WNT4: variants seen among roughly 807,000 people sequenced by gnomAD.
The protein encoded by WNT4 is protein Wnt-4.
In WNT4, 16 loss-of-function variants were observed where a neutral mutation model predicts 34.5. The ratio of observed to expected loss-of-function variants is 0.46; its 90% CI spans 0.31 to 0.70. WNT4 has a LOEUF of 0.70. WNT4 is among the 30% of genes least tolerant of loss of function. The pLI is 0.04. For synonymous variants in WNT4, 200 were observed against 211.9 expected, an observed-to-expected ratio of 0.94 and a Z score of 0.49; for missense variants, 379 against 495.9, an observed-to-expected ratio of 0.76 and a Z score of 2.24.
Position 22,118,482 on chromosome 1 carries a change from C to T in WNT4, c.*1568G>A, listed in dbSNP as rs10737462. On this transcript the variant is annotated 3_prime_UTR_variant, in exon 5 of 5. Coordinates refer to ENST00000290167, the MANE Select transcript of WNT4 (RefSeq NM_030761.5). ...CTGGGCGGGGCTCGTGATGGTTTGG[C>T]GGTTGTACAGGGTCAGGCCCAGGTT... 34,960 of 152,174 alleles carry T rather than the reference C, an allele frequency of 0.23. 4,859 individuals are homozygous for T. Among genetic ancestry groups the T allele is most frequent in the East Asian group, 0.69 (3,552 of 5,162 alleles). 9.4% of individuals were successfully genotyped at this position (152,174 alleles called of 1,614,324 possible).
At chr1:22,136,481 C>T (rs529161424) in intron 1 of WNT4, among the ~76,000 whole-genome samples, 6 of 152,294 alleles carry the variant, frequency 3.9e-5, no homozygotes, top group Admixed American at 1.3e-4. Context: ...GTGAGGCTCC[C>T]GGTTTCTAGT....
Position 22,140,751 on chromosome 1 carries a change from A to G in WNT4, c.77+2095T>C, listed in dbSNP as rs941109590. Among the ~76,000 whole-genome samples, 2 of 152,214 alleles carry G rather than the reference A, an allele frequency of 1.3e-5. No homozygotes were observed. Among genetic ancestry groups the G allele is most frequent in the Non-Finnish European group, 2.9e-5 (2 of 68,038 alleles). Reference sequence around the variant, plus strand: ...GTTCCTCTTGCCTTGGGTGGAGCAGAGAGACCCTTGGCTTGAAGCCGGGGG... The same window carrying G: ...GTTCCTCTTGCCTTGGGTGGAGCAGGGAGACCCTTGGCTTGAAGCCGGGGG... On this transcript the variant is annotated intron_variant, in intron 1 of 4. Coordinates refer to ENST00000290167, the MANE Select transcript of WNT4 (RefSeq NM_030761.5). This position sits in a 1 kb window ranked among gnomAD's most constrained non-coding sequence, Gnocchi z 5.9.
chr1:22,141,505 T>C (rs1646067016), intron 1 of WNT4, among the ~76,000 whole-genome samples: 2 of 152,198 alleles, frequency 1.3e-5, no homozygotes. Flanking sequence ...GAGAAGGTGG[T>C]GGTGCCTTGC....
chr1:22,136,047 C>T (rs997044780), intron 1 of WNT4, among the ~76,000 whole-genome samples: 4 of 152,186 alleles, frequency 2.6e-5, no homozygotes, highest in Admixed American at 1.3e-4. Context: ...CTCCTGAGGG[C>T]TCTGTGTCCC....
In WNT4 at chr1:22,142,194, T is replaced by G. The variant is rs1646073774; in HGVS notation, c.77+652A>C. On this transcript the variant is annotated intron_variant, in intron 1 of 4. Transcript: ENST00000290167. This position sits in a 1 kb window ranked among gnomAD's most constrained non-coding sequence, Gnocchi z 6.0. ...CCTCCTTAGGCTAGACACGGGGAGCTGGGGGGCCGTTGTCTTCTTTAAGGT... is the reference window on the plus strand; with the variant it reads ...CCTCCTTAGGCTAGACACGGGGAGCGGGGGGGCCGTTGTCTTCTTTAAGGT... 6.6e-6 allele frequency among the ~76,000 whole-genome samples: 1 copy of G among 152,092 alleles called. No individual in the cohort carries two copies. The highest frequency in any genetic ancestry group is 1.5e-5 in the Non-Finnish European group (1 of 68,006).
chr1:22,135,420 A>G (rs1301514935), intron 1 of WNT4, among the ~76,000 whole-genome samples: 1 of 152,226 alleles, frequency 6.6e-6, no homozygotes, highest in African/African-American at 2.4e-5. Context: ...CTCCTAAGCC[A>G]AAGATGACCC....
intron 1 of WNT4, among the ~76,000 whole-genome samples, chr1:22,138,378 A>G (rs776258347): frequency 4.6e-5 from 7 of 151,264 alleles, no homozygotes; most frequent in African/African-American, 1.2e-4. Context: ...TTTGCCAACC[A>G]TTGATTCCTG....
chr1:22,140,282 G>T lies in WNT4; in HGVS notation c.77+2564C>A, dbSNP rs1228512273. On this transcript the variant is annotated intron_variant, in intron 1 of 4. Transcript: ENST00000290167. This position sits in a 1 kb window ranked among gnomAD's most constrained non-coding sequence, Gnocchi z 5.9. Reference sequence around the variant, plus strand: ...TTTTCCTTCTAGAGGCAGCTTTTCAGTCGGACACCTCTGGCATTTACCAGC... The same window carrying T: ...TTTTCCTTCTAGAGGCAGCTTTTCATTCGGACACCTCTGGCATTTACCAGC... 3 of 985,330 alleles carry T rather than the reference G, an allele frequency of 3.0e-6. No individual in the cohort carries two copies. The highest frequency in any genetic ancestry group is 2.3e-4 in the East Asian group (2 of 8,834). The allele number at this position is 985,330 out of a possible 1,614,324, so 61.0% of individuals were successfully genotyped here.
chr1:22,119,344 G>T lies in WNT4; in HGVS notation c.*706C>A, dbSNP rs1266411286. 6.5e-6 allele frequency: 1 copy of T among 154,562 alleles called. No homozygotes were observed. Among genetic ancestry groups the T allele is most frequent in the African/African-American group, 2.4e-5 (1 of 41,412 alleles). The allele number at this position is 154,562 out of a possible 1,614,324, so 9.6% of individuals were successfully genotyped here. On this transcript the variant is annotated 3_prime_UTR_variant, in exon 5 of 5. Transcript: ENST00000290167. ...TATATGCCTGCCTAGGTGGGTCTGG[G>T]GAGTGGTTAAGTTTCCTCTTCCCAG...
chr1:22,124,225 G>T (rs866792315), intron 2 of WNT4, among the ~76,000 whole-genome samples: 1 of 152,246 alleles, frequency 6.6e-6, no homozygotes, highest in Non-Finnish European at 1.5e-5. Flanking sequence ...CTGGCCAGGG[G>T]CTTTCCAAGG....
At chr1:22,132,320 T>G (rs187228521) in intron 1 of WNT4, among the ~76,000 whole-genome samples, 71 of 152,304 alleles carry the variant, frequency 4.7e-4, no homozygotes, top group African/African-American at 1.7e-3. Context: ...CATCTGGCTG[T>G]GCTGGGCCCT....
chr1:22,122,793 C>T (rs556370686), intron 2 of WNT4, among the ~76,000 whole-genome samples: 1 of 152,342 alleles, frequency 6.6e-6, no homozygotes, highest in Non-Finnish European at 1.5e-5. Context: ...CTTCTCTGTG[C>T]CCCTGTCTGT....
rs560604168 is a variant in WNT4 at position 22,142,616 on chromosome 1, C to A, written c.77+230G>T. 9.9e-5 allele frequency among the ~76,000 whole-genome samples: 15 copies of A among 151,918 alleles called. No individual in the cohort carries two copies. The highest frequency in any genetic ancestry group is 3.6e-4 in the African/African-American group (15 of 41,484). On this transcript the variant is annotated intron_variant, in intron 1 of 4. Coordinates refer to ENST00000290167, the MANE Select transcript of WNT4 (RefSeq NM_030761.5). This position sits in a 1 kb window ranked among gnomAD's most constrained non-coding sequence, Gnocchi z 6.0. ...ACCGGTGCGGACGCCGCCACAGCCA[C>A]CCCTGACGCCTCTGGGCAGGGAGCC...
Position 22,119,850 on chromosome 1 carries a change from G to A in WNT4, c.*200C>T. 1 of 660,826 alleles carries A rather than the reference G, an allele frequency of 1.5e-6. No homozygotes were observed. Among genetic ancestry groups the A allele is most frequent in the South Asian group, 1.9e-5 (1 of 52,030 alleles). 40.9% of individuals were successfully genotyped at this position (660,826 alleles called of 1,614,324 possible). A position where few individuals can be genotyped will look rare whatever the true frequency, so the allele number is the denominator to read the frequency against. On this transcript the variant is annotated 3_prime_UTR_variant, in exon 5 of 5. Coordinates refer to ENST00000290167, the MANE Select transcript of WNT4 (RefSeq NM_030761.5). ...CCTTTGGTCAGTGGCAGCCACAAAGGCCCAGGCTTTGGGGAGGCCCTGGTT... is the reference window on the plus strand; with the variant it reads ...CCTTTGGTCAGTGGCAGCCACAAAGACCCAGGCTTTGGGGAGGCCCTGGTT...
intron 1 of WNT4, among the ~76,000 whole-genome samples, chr1:22,135,506 G>A (rs771377173): frequency 3.4e-4 from 51 of 152,184 alleles, no homozygotes; most frequent in Non-Finnish European, 4.9e-4. Context: ...CCCTTGATGG[G>A]TCTTTCTAGA....
At chr1:22,125,362 A>T (rs1166779170) in intron 2 of WNT4, among the ~76,000 whole-genome samples, 3 of 152,132 alleles carry the variant, frequency 2.0e-5, no homozygotes, top group Non-Finnish European at 4.4e-5. Context: ...TAGCATCGAA[A>T]GGCTGGGTCA....
intron 2 of WNT4, among the ~76,000 whole-genome samples, chr1:22,128,574 G>A (rs1264288092): frequency 6.6e-6 from 1 of 152,142 alleles, no homozygotes; most frequent in African/African-American, 2.4e-5. Flanking sequence ...GAGCATCCCA[G>A]CCCCAGCCAG....
In WNT4 at chr1:22,119,767, TAAC is replaced by T. The variant is rs1384057015; in HGVS notation, c.*280_*282del. On this transcript the variant is annotated 3_prime_UTR_variant, in exon 5 of 5. Coordinates refer to ENST00000290167, the MANE Select transcript of WNT4 (RefSeq NM_030761.5). ...CTGCAAGTAGAAAAACGGACACAGA[TAAC>T]AACTGAGTGGTCAGTGGCAGCCACA... The T allele has an allele frequency of 5.5e-6, 3 of 542,060 alleles. No individual in the cohort carries two copies. Among genetic ancestry groups the T allele is most frequent in the African/African-American group, 1.9e-5 (1 of 52,648 alleles). The allele number at this position is 542,060 out of a possible 1,614,324, so 33.6% of individuals were successfully genotyped here. A position where few individuals can be genotyped will look rare whatever the true frequency, so the allele number is the denominator to read the frequency against.
Position 22,119,328 on chromosome 1 carries a change from G to C in WNT4, c.*722C>G, listed in dbSNP as rs1645875750. Reference sequence around the variant, plus strand: ...GTCCAGGATGGCAGCCTATATGCCTGCCTAGGTGGGTCTGGGGAGTGGTTA... The same window carrying C: ...GTCCAGGATGGCAGCCTATATGCCTCCCTAGGTGGGTCTGGGGAGTGGTTA... On this transcript the variant is annotated 3_prime_UTR_variant, in exon 5 of 5. Coordinates refer to ENST00000290167, the MANE Select transcript of WNT4 (RefSeq NM_030761.5). 1 of 154,026 alleles carries C rather than the reference G, an allele frequency of 6.5e-6. No homozygotes were observed. The highest frequency in any genetic ancestry group is 6.4e-5 in the Admixed American group (1 of 15,522). 9.5% of individuals were successfully genotyped at this position (154,026 alleles called of 1,614,324 possible).
Sources: allele counts gnomAD v4.1 joint callset (sites outside exome capture counted in the v4.1 genomes callset), GRCh38; gene constraint gnomAD v4.1.1; non-coding constraint Gnocchi (gnomAD v3.1); transcripts MANE v1.5; gene names NCBI Gene and HGNC (gene_info 2026-07-23, HGNC 2026-07-21).